The following MRPS25 variants were observed in gnomAD, a reference collection of about 807,000 sequenced individuals.
MRPS25 encodes small ribosomal subunit protein mS25.
Under a neutral mutation model 17.3 loss-of-function variants are expected in MRPS25, and 15 were observed. That is an observed-to-expected ratio of 0.87 (90% CI 0.58 to 1.34). MRPS25 has a LOEUF of 1.34. MRPS25 is among the 40% of genes most tolerant of loss of function. The pLI is 0.00. For missense variants in MRPS25, 225 were observed against 218.6 expected (o/e 1.03, Z -0.19); for synonymous variants, 94 against 83.3 (o/e 1.13, Z -0.70).
At chr3:15,057,030 C>G (rs536667724) in intron 2 of MRPS25, among the ~76,000 whole-genome samples, 105 of 152,330 alleles carry the variant, frequency 6.9e-4, no homozygotes, top group African/African-American at 1.4e-3. Context: ...AGCCTACACA[C>G]ACGTTTACTG....
In MRPS25 at chr3:15,051,225, C is replaced by A. The variant is rs1211562827; in HGVS notation, c.*1216G>T. The A allele has an allele frequency of 2.2e-5, 21 of 971,548 alleles. No individual in the cohort carries two copies. The South Asian group carries it at 1.0e-3, about 46-fold the overall frequency. The allele number at this position is 971,548 out of a possible 1,614,324, so 60.2% of individuals were successfully genotyped here. A position where few individuals can be genotyped will look rare whatever the true frequency, so the allele number is the denominator to read the frequency against. On this transcript the variant is annotated 3_prime_UTR_variant, in exon 4 of 4. Transcript: ENST00000253686. Reference sequence around the variant, plus strand: ...TCTTGAGACAGTCTTGCTCTGTGGCCCAGGCTGGAGTGCAGTAGCGCACGA... The same window carrying A: ...TCTTGAGACAGTCTTGCTCTGTGGCACAGGCTGGAGTGCAGTAGCGCACGA...
chr3:15,049,823 T>G lies in MRPS25; in HGVS notation c.*2618A>C. The G allele has an allele frequency of 9.7e-7, 1 of 1,032,412 alleles. No individual in the cohort carries two copies. The highest frequency in any genetic ancestry group is 1.4e-6 in the Non-Finnish European group (1 of 693,570). The allele number at this position is 1,032,412 out of a possible 1,614,324, so 64.0% of individuals were successfully genotyped here. ...AGGCTGGAATGCAGTGGTACAGTCA[T>G]GGCTCACTCCAGCCTCAACCTCCTG... On this transcript the variant is annotated 3_prime_UTR_variant, in exon 4 of 4. Transcript: ENST00000253686.
At chr3:15,053,321 T>C (rs2042629595) in intron 3 of MRPS25, 59 bp downstream of exon 3, 1 of 1,611,714 alleles carries the variant, frequency 6.2e-7, no homozygotes, top group African/African-American at 1.3e-5. Context: ...CACCCCTTTC[T>C]TCCTCAAATT....
At chr3:15,042,467 A>G (rs369360957), downstream of MRPS25, 5 of 170,154 alleles carry the variant, frequency 2.9e-5, no homozygotes, top group East Asian at 1.6e-4. Flanking sequence ...TTTCCTGGTC[A>G]GTAAATACAG....
In MRPS25 at chr3:15,051,581, G is replaced by A. The variant is rs1237678783; in HGVS notation, c.*860C>T. The A allele has an allele frequency of 5.1e-6, 5 of 985,290 alleles. No individual in the cohort carries two copies. Among genetic ancestry groups the A allele is most frequent in the African/African-American group, 1.7e-5 (1 of 57,226 alleles). 61.0% of individuals were successfully genotyped at this position (985,290 alleles called of 1,614,324 possible). On this transcript the variant is annotated 3_prime_UTR_variant, in exon 4 of 4. Coordinates refer to ENST00000253686, the MANE Select transcript of MRPS25 (RefSeq NM_022497.5). ...TAACTAAAGTGACAGTAACATCAGT[G>A]TCCTATGAGGAAAGAACAAGGAAGG... is the stretch of plus-strand genomic sequence containing the variant.
chr3:15,060,654 G>A lies in MRPS25; in HGVS notation c.135-1179C>T, dbSNP rs533797969. 2.4e-4 allele frequency among the ~76,000 whole-genome samples: 37 copies of A among 152,250 alleles called. No individual in the cohort carries two copies. The South Asian group carries it at 2.7e-3, about 11-fold the overall frequency. On this transcript the variant is annotated intron_variant, in intron 1 of 3. Coordinates refer to ENST00000253686, the MANE Select transcript of MRPS25 (RefSeq NM_022497.5). The stretch of plus-strand genomic sequence containing the variant: ...TCCCAGCACTTTGGGAGGCCGAGGC[G>A]GGTGGATCACGAGGTCAGGAGATCG...
At chr3:15,052,795 G>T (rs1271474073) in intron 3 of MRPS25, among the ~76,000 whole-genome samples, 162 bp from the exon 4 acceptor site, 1 of 152,098 alleles carries the variant, frequency 6.6e-6, no homozygotes, top group Non-Finnish European at 1.5e-5. Flanking sequence ...CTCCCTGCTG[G>T]CCCCTGAGGA....
rs1575068702 is a variant in MRPS25 at position 15,056,146 on chromosome 3, T to C, written c.242-2679A>G. Among the ~76,000 whole-genome samples the C allele has an allele frequency of 2.1e-5, 3 of 144,812 alleles. 1 individual carries two copies. The South Asian group carries it at 6.6e-4, about 32-fold the overall frequency. ...AGGAGAATGGCGTGAACCCAGGAGG[T>C]GGAGCTTGCAGTGAGCCGAGATCAC... On this transcript the variant is annotated intron_variant, in intron 2 of 3. Coordinates refer to ENST00000253686, the MANE Select transcript of MRPS25 (RefSeq NM_022497.5).
chr3:15,064,100 A>G (rs935852896), intron 1 of MRPS25, among the ~76,000 whole-genome samples: 31 of 152,176 alleles, frequency 2.0e-4, no homozygotes, highest in Admixed American at 1.6e-3. Context: ...ATGCCCCACA[A>G]GAAGTTGCTC....
chr3:15,046,501 A>C (rs1481141276), downstream of MRPS25: 1 of 152,244 alleles, frequency 6.6e-6, no homozygotes, highest in East Asian at 1.9e-4. Context: ...TAGTCCTTTG[A>C]GGACATTTCC....
At chr3:15,045,074 CAAAA>C (rs1428388191), downstream of MRPS25, 1 of 152,120 alleles carries the variant, frequency 6.6e-6, no homozygotes, top group Non-Finnish European at 1.5e-5. Context: ...AAAATTAAGA[CAAAA>C]AACCAGCTGA....
chr3:15,046,668 G>A (rs749729709), downstream of MRPS25: 1 of 152,360 alleles, frequency 6.6e-6, no homozygotes, highest in Admixed American at 6.5e-5. Flanking sequence ...ATGACTTTAT[G>A]TGCAATGGGG....
Position 15,049,265 on chromosome 3 carries a change from A to G in MRPS25, c.*3176T>C, listed in dbSNP as rs2042562800. On this transcript the variant is annotated 3_prime_UTR_variant, in exon 4 of 4. Transcript: ENST00000253686. ...AGGTTTATACTATTAAAAGTGAATT[A>G]AAGACTAACATGCATCCTGCTCTTC... The G allele has an allele frequency of 6.5e-6, 1 of 152,760 alleles. No homozygotes were observed. Among genetic ancestry groups the G allele is most frequent in the Non-Finnish European group, 1.5e-5 (1 of 68,120 alleles). 9.5% of individuals were successfully genotyped at this position (152,760 alleles called of 1,614,324 possible).
downstream of MRPS25, chr3:15,045,376 G>C (rs2042413345): frequency 6.5e-6 from 1 of 152,676 alleles, no homozygotes; most frequent in African/African-American, 2.4e-5. Flanking sequence ...GCTGGATAAG[G>C]AAGTGTTGGG....
chr3:15,060,519 A>C (rs1467105090), intron 1 of MRPS25, among the ~76,000 whole-genome samples: 9 of 147,250 alleles, frequency 6.1e-5, no homozygotes, highest in Non-Finnish European at 4.6e-5. Context: ...CTCTCTCAAA[A>C]AAAAAAAAAA....
At chr3:15,045,432 G>T (rs990625725), downstream of MRPS25, 2 of 152,742 alleles carry the variant, frequency 1.3e-5, no homozygotes, top group African/African-American at 4.8e-5. Flanking sequence ...GCTTGGAAAG[G>T]TGCTGATTCT....
In MRPS25 at chr3:15,051,985, G is replaced by A. The variant is rs2042612167; in HGVS notation, c.*456C>T. ...ATACCCCCAAGGAACTGAACGGAGG[G>A]GTGTACACACTGCCAACCACAGACA... On this transcript the variant is annotated 3_prime_UTR_variant, in exon 4 of 4. Transcript: ENST00000253686. 9.1e-6 allele frequency: 9 copies of A among 989,844 alleles called. No individual in the cohort carries two copies. The highest frequency in any genetic ancestry group is 4.7e-5 in the South Asian group (1 of 21,432). The allele number at this position is 989,844 out of a possible 1,614,324, so 61.3% of individuals were successfully genotyped here. A position where few individuals can be genotyped will look rare whatever the true frequency, so the allele number is the denominator to read the frequency against.
At chr3:15,055,704 G>C (rs1035899258) in intron 2 of MRPS25, among the ~76,000 whole-genome samples, 1 of 151,992 alleles carries the variant, frequency 6.6e-6, no homozygotes, top group African/African-American at 2.4e-5. Flanking sequence ...CTCAACCTCG[G>C]CAACAGTGAG....
At chr3:15,059,986 CAA>C (rs36115372) in intron 1 of MRPS25, among the ~76,000 whole-genome samples, 2,750 of 116,348 alleles carry the variant, frequency 0.024, 80 homozygotes, top group African/African-American at 0.082. Flanking sequence ...AAAGGCCTTG[CAA>C]AAAAAAAAAA....
Sources: gnomAD v4.1 joint callset for allele counts (sites outside exome capture counted in the v4.1 genomes callset) on GRCh38, gnomAD v4.1.1 for gene constraint, MANE v1.5 for transcripts, NCBI Gene and HGNC (gene_info 2026-07-23, HGNC 2026-07-21) for gene names.